The following CCSER1 variants were observed in gnomAD, a reference collection of about 807,000 sequenced individuals.
CCSER1 encodes the protein coiled-coil serine rich protein 1, also known as serine-rich coiled-coil domain-containing protein 1.
CCSER1 carries 41 observed loss-of-function variants against 82.0 expected under a neutral mutation model. The ratio of observed to expected loss-of-function variants is 0.50; its 90% CI spans 0.39 to 0.65. The LOEUF (loss-of-function observed/expected upper bound fraction) is 0.65, where lower values mean the gene tolerates loss of function less well. CCSER1 is among the 30% of genes least tolerant of loss of function. CCSER1 has a pLI of 0.00. For missense variants in CCSER1, 1,119 were observed against 1,064.2 expected (o/e 1.05, Z -0.72); for synonymous variants, 414 against 383.9 (o/e 1.08, Z -0.92).
chr4:91,352,370 C>A (rs1398120759), intron 10 of CCSER1, among the ~76,000 whole-genome samples: 1 of 152,286 alleles, frequency 6.6e-6, no homozygotes, highest in Admixed American at 6.5e-5. Flanking sequence ...CCTCAGCCTC[C>A]CAAGTAGCTG....
chr4:90,771,555 T>A (rs1190048098), intron 7 of CCSER1, among the ~76,000 whole-genome samples: 4 of 116,186 alleles, frequency 3.4e-5, no homozygotes, highest in African/African-American at 1.1e-4. Context: ...ATTTAGAAAA[T>A]GCCGGGCACT....
At chr4:91,005,262 G>A (rs922666180) in intron 9 of CCSER1, among the ~76,000 whole-genome samples, 1 of 152,144 alleles carries the variant, frequency 6.6e-6, no homozygotes, top group East Asian at 1.9e-4. Context: ...TGTCAGATGA[G>A]ACAATAAAAT....
At chr4:90,576,582 G>A (rs1020004541) in intron 5 of CCSER1, among the ~76,000 whole-genome samples, 2 of 151,760 alleles carry the variant, frequency 1.3e-5, no homozygotes, top group Non-Finnish European at 2.9e-5. Context: ...CCATAGTTTC[G>A]CTTTTTCCAG....
chr4:91,057,815 A>G (rs564051602), intron 9 of CCSER1, among the ~76,000 whole-genome samples: 32 of 152,186 alleles, frequency 2.1e-4, no homozygotes, highest in Middle Eastern at 3.4e-3. Context: ...CATGTGTGTG[A>G]ATTTGTATGT....
chr4:91,446,695 T>C (rs2149414102), intron 10 of CCSER1, among the ~76,000 whole-genome samples: 1 of 96,672 alleles, frequency 1.0e-5, no homozygotes, highest in East Asian at 3.7e-4. Context: ...ATATATATAA[T>C]AGTCCTGCAT....
chr4:90,601,577 A>G (rs1784044500), intron 5 of CCSER1, among the ~76,000 whole-genome samples: 2 of 149,736 alleles, frequency 1.3e-5, no homozygotes, highest in Non-Finnish European at 3.0e-5. Flanking sequence ...CATCTATGCT[A>G]TTTCTCACAT....
chr4:90,490,915 G>A (rs1015954776), intron 5 of CCSER1, among the ~76,000 whole-genome samples: 1 of 152,198 alleles, frequency 6.6e-6, no homozygotes, highest in Admixed American at 6.5e-5. Context: ...TGCTGTTTTG[G>A]TTACTATAGC....
chr4:90,518,282 C>T (rs1474353841), intron 5 of CCSER1, among the ~76,000 whole-genome samples: 1 of 152,070 alleles, frequency 6.6e-6, no homozygotes, highest in Non-Finnish European at 1.5e-5. Context: ...TTGGTACTTA[C>T]TTCCAACAGC....
chr4:90,443,285 C>A (rs920349600), intron 4 of CCSER1, among the ~76,000 whole-genome samples: 1 of 152,050 alleles, frequency 6.6e-6, no homozygotes, highest in African/African-American at 2.4e-5. Flanking sequence ...GAATTTCCAG[C>A]ATCATTATTC....
intron 8 of CCSER1, among the ~76,000 whole-genome samples, chr4:90,828,872 G>C (rs1218371119): frequency 1.3e-5 from 2 of 152,072 alleles, no homozygotes; most frequent in South Asian, 2.1e-4. Context: ...AATAAAGCAA[G>C]ACAATGTCAC....
At chr4:90,372,320 A>G (rs1350270452) in intron 3 of CCSER1, among the ~76,000 whole-genome samples, 8 of 152,208 alleles carry the variant, frequency 5.3e-5, no homozygotes, top group Admixed American at 2.0e-4. Flanking sequence ...AAAGTTTAAA[A>G]TTTGAGTAGC....
intron 9 of CCSER1, among the ~76,000 whole-genome samples, chr4:91,040,303 T>C (rs1233723178): frequency 1.3e-5 from 2 of 152,204 alleles, no homozygotes; most frequent in Non-Finnish European, 2.9e-5. Flanking sequence ...AAATGTGAAA[T>C]AATTCATAAA....
At chr4:90,699,616 A>G (rs548816938) in intron 6 of CCSER1, among the ~76,000 whole-genome samples, 52 of 152,240 alleles carry the variant, frequency 3.4e-4, no homozygotes, top group African/African-American at 1.1e-3. Flanking sequence ...TAATTTTTGT[A>G]CCACTTTGGT....
At chr4:90,533,131 G>T (rs1343548713) in intron 5 of CCSER1, among the ~76,000 whole-genome samples, 30 of 120,280 alleles carry the variant, frequency 2.5e-4, no homozygotes, top group Non-Finnish European at 4.1e-4. Context: ...TCCCTCTGTC[G>T]CCCAGACTGG....
chr4:90,338,810 T>A (rs1218353729), intron 3 of CCSER1, among the ~76,000 whole-genome samples: 2 of 152,228 alleles, frequency 1.3e-5, no homozygotes, highest in Non-Finnish European at 2.9e-5. Context: ...ACTGTTCAGC[T>A]ATTCCACATA....
chr4:91,548,135 C>T (rs921863729), intron 10 of CCSER1, among the ~76,000 whole-genome samples: 1 of 152,116 alleles, frequency 6.6e-6, no homozygotes, highest in Non-Finnish European at 1.5e-5. Flanking sequence ...TCTCTCCTTT[C>T]TTAGAATATC....
At chr4:90,488,532 C>T (rs1767488725) in intron 5 of CCSER1, among the ~76,000 whole-genome samples, 1 of 152,150 alleles carries the variant, frequency 6.6e-6, no homozygotes, top group Non-Finnish European at 1.5e-5. Context: ...AAGCCTCATA[C>T]ATCTAAAGAT....
In CCSER1 at chr4:91,594,332, CACACATATATAT is replaced by C. The variant is rs1362680860; in HGVS notation, c.2218-4236_2218-4225del. ...ATATGTGTATATATACATATATGTA[CACACATATATAT>C]ACATATATATACACATATATATACA... is the stretch of plus-strand genomic sequence containing the variant. On this transcript the variant is annotated intron_variant, in intron 10 of 10. Coordinates refer to ENST00000509176, the MANE Select transcript of CCSER1 (RefSeq NM_001145065.2). Among the ~76,000 whole-genome samples, 226 of 145,816 alleles carry C rather than the reference CACACATATATAT, an allele frequency of 1.5e-3. 1 individual carries two copies. The highest frequency in any genetic ancestry group is 5.3e-3 in the African/African-American group (206 of 38,762).
At chr4:90,896,683 G>A (rs1723769726) in intron 8 of CCSER1, among the ~76,000 whole-genome samples, 1 of 151,834 alleles carries the variant, frequency 6.6e-6, no homozygotes, top group South Asian at 2.1e-4. Flanking sequence ...GGGAGCACTG[G>A]TGAAAAACTG....
Sources: allele counts gnomAD v4.1 joint callset (sites outside exome capture counted in the v4.1 genomes callset), GRCh38; gene constraint gnomAD v4.1.1; transcripts MANE v1.5; gene names NCBI Gene and HGNC (gene_info 2026-07-23, HGNC 2026-07-21).